Variants in NRXN3 observed in about 807,000 individuals in gnomAD.
The protein encoded by NRXN3 is neurexin 3.
NRXN3 carries 32 observed loss-of-function variants against 137.6 expected under a neutral mutation model. The observed-to-expected ratio is 0.23, with a 90% CI of 0.18 to 0.31. The LOEUF (loss-of-function observed/expected upper bound fraction) is 0.31, where lower values mean the gene tolerates loss of function less well. NRXN3 is among the 10% of genes least tolerant of loss of function. NRXN3 has a pLI of 1.00. For synonymous variants in NRXN3, 798 were observed against 784.5 expected, an observed-to-expected ratio of 1.02 and a Z score of -0.29; for missense variants, 1,574 against 2,062.5, an observed-to-expected ratio of 0.76 and a Z score of 4.59.
At chr14:79,595,869 G>A (rs115439633) in intron 16 of NRXN3, among the ~76,000 whole-genome samples, 48 of 152,220 alleles carry the variant, frequency 3.2e-4, no homozygotes, top group African/African-American at 1.0e-3. Context: ...GGACAGTGCT[G>A]AGCTAGTACA....
intron 1 of NRXN3, among the ~76,000 whole-genome samples, chr14:78,237,991 C>T (rs1214471797): frequency 6.6e-6 from 1 of 152,182 alleles, no homozygotes; most frequent in Non-Finnish European, 1.5e-5. Flanking sequence ...AGTCCGACTT[C>T]CTTGAGTCTG....
At position 79,371,097 on chromosome 14, in the gene NRXN3, A is replaced by G. The variant is rs541347253; in HGVS notation, c.3263-96124A>G. Among the ~76,000 whole-genome samples, 3 of 152,318 alleles carry G rather than the reference A, an allele frequency of 2.0e-5. No homozygotes were observed. The South Asian group carries it at 6.2e-4, about 32-fold the overall frequency. ...CAATAAATGTTGTTCTAACTGTTCC[A>G]GGTATCAAGCAGTAGAAAAAGAATA... On this transcript the variant is annotated intron_variant, in intron 15 of 20. Transcript: ENST00000335750.
intron 4 of NRXN3, among the ~76,000 whole-genome samples, chr14:78,522,297 A>G (rs1356154567): frequency 6.6e-6 from 1 of 152,220 alleles, no homozygotes; most frequent in African/African-American, 2.4e-5. Context: ...TAGCTTGGTA[A>G]GTGTTACATA....
At chr14:79,413,549 A>G (rs550726055) in intron 15 of NRXN3, among the ~76,000 whole-genome samples, 1 of 152,098 alleles carries the variant, frequency 6.6e-6, no homozygotes, top group Non-Finnish European at 1.5e-5. Context: ...CCCTAAAACT[A>G]GATCCAAGAC....
intron 16 of NRXN3, among the ~76,000 whole-genome samples, chr14:79,659,292 G>A (rs1476620169): frequency 6.6e-6 from 1 of 151,930 alleles, no homozygotes; most frequent in African/African-American, 2.4e-5. Context: ...ATAGATTGAA[G>A]CAATTGTCTT....
chr14:79,489,766 G>A (rs568927199), intron 16 of NRXN3, among the ~76,000 whole-genome samples: 6 of 152,046 alleles, frequency 3.9e-5, no homozygotes, highest in Admixed American at 2.0e-4. Context: ...TCGGCCGGGC[G>A]TGGTGGCTCA....
chr14:79,175,004 G>T (rs1198409398), intron 15 of NRXN3, among the ~76,000 whole-genome samples: 1 of 148,036 alleles, frequency 6.8e-6, no homozygotes, highest in Non-Finnish European at 1.5e-5. Context: ...TTTCTGAGGC[G>T]GAGTCTCTCT....
At chr14:78,263,487 A>G (rs1010530227) in intron 2 of NRXN3, among the ~76,000 whole-genome samples, 1 of 152,160 alleles carries the variant, frequency 6.6e-6, no homozygotes. Flanking sequence ...ATTTTTATCA[A>G]TGGAGTATTT....
At chr14:78,589,589 T>A (rs1478789082) in intron 4 of NRXN3, among the ~76,000 whole-genome samples, 2 of 152,228 alleles carry the variant, frequency 1.3e-5, no homozygotes, top group Non-Finnish European at 2.9e-5. Context: ...CTTAAGCTCT[T>A]TTCATCTGCT....
At chr14:79,055,411 C>T (rs79419860) in intron 15 of NRXN3, among the ~76,000 whole-genome samples, 4,417 of 152,182 alleles carry the variant, frequency 0.029, 213 homozygotes, top group African/African-American at 0.1. Flanking sequence ...AAAATAATCT[C>T]GGCTTGGTAG....
intron 19 of NRXN3, among the ~76,000 whole-genome samples, chr14:79,781,743 C>A (rs2099114614): frequency 6.6e-6 from 1 of 152,206 alleles, no homozygotes. Flanking sequence ...CTAATTCCCA[C>A]CAACTCCTGC....
intron 16 of NRXN3, among the ~76,000 whole-genome samples, chr14:79,546,764 G>A (rs940924644): frequency 2.0e-5 from 3 of 152,128 alleles, no homozygotes; most frequent in African/African-American, 7.2e-5. Flanking sequence ...AGCATGGACT[G>A]TTCATCAAGT....
intron 15 of NRXN3, among the ~76,000 whole-genome samples, chr14:79,178,546 G>A (rs2062592811): frequency 6.6e-6 from 1 of 152,056 alleles, no homozygotes; most frequent in South Asian, 2.1e-4. Flanking sequence ...TTGAGTTATA[G>A]CTATTGTTAC....
At chr14:78,979,720 C>G (rs2099484205) in intron 14 of NRXN3, among the ~76,000 whole-genome samples, 2 of 152,160 alleles carry the variant, frequency 1.3e-5, no homozygotes, top group South Asian at 4.1e-4. Flanking sequence ...ACTCATAGTT[C>G]CATGTGGCTG....
In NRXN3 at chr14:78,957,309, G is replaced by A. The variant is rs1345677159; in HGVS notation, c.2343G>A (p.Val781=). 6.2e-7 allele frequency: 1 copy of A among 1,614,004 alleles called. No homozygotes were observed. The change falls in exon 11 of 21, where the codon GTG becomes GTA. Residue 781 remains valine, a synonymous_variant. Transcript: ENST00000335750. The part of the protein sequence containing the change: ...LNDNEWHTVR[V]VRRGKSLKLT... ...ACAACGAGTGGCACACCGTTCGGGT[G>A]GTGCGGAGAGGAAAAAGCCTTAAGT...
intron 8 of NRXN3, among the ~76,000 whole-genome samples, chr14:78,739,190 A>C (rs2098553634): frequency 6.6e-6 from 1 of 152,226 alleles, no homozygotes; most frequent in Non-Finnish European, 1.5e-5. Flanking sequence ...ATAGTAGTTT[A>C]GGCAAATAAA....
At position 79,649,811 on chromosome 14, in the gene NRXN3, C is replaced by T. The variant is rs1368724265; in HGVS notation, c.3445-13967C>T. On this transcript the variant is annotated intron_variant, in intron 16 of 20. Transcript: ENST00000335750. ...TTTCTCAACTGCATCCACTTAAATA[C>T]ATCTTATTGTTTCAGTCAGCCTTGG... Among the ~76,000 whole-genome samples the T allele has an allele frequency of 5.3e-5, 8 of 152,308 alleles. No homozygotes were observed. The South Asian group carries it at 1.0e-3, about 20-fold the overall frequency.
At chr14:79,753,535 A>G (rs2099006339) in intron 19 of NRXN3, among the ~76,000 whole-genome samples, 1 of 127,342 alleles carries the variant, frequency 7.9e-6, no homozygotes. Context: ...ACACATGGAC[A>G]CAGGAAGGGG....
intron 16 of NRXN3, among the ~76,000 whole-genome samples, chr14:79,477,909 C>A (rs958958878): frequency 1.3e-5 from 2 of 151,946 alleles, no homozygotes; most frequent in African/African-American, 4.8e-5. Context: ...GTTGTGATTT[C>A]ATTACCAAAA....
Sources: allele counts gnomAD v4.1 joint callset (sites outside exome capture counted in the v4.1 genomes callset), GRCh38; gene constraint gnomAD v4.1.1; transcripts MANE v1.5; gene names NCBI Gene and HGNC (gene_info 2026-07-23, HGNC 2026-07-21).